The following ADGRF5 variants were observed in gnomAD, a reference collection of about 807,000 sequenced individuals.
ADGRF5 encodes the protein G-protein coupled receptor 116.
ADGRF5 carries 75 observed loss-of-function variants against 132.3 expected under a neutral mutation model. The ratio of observed to expected loss-of-function variants is 0.57; its 90% CI spans 0.47 to 0.69. The LOEUF (loss-of-function observed/expected upper bound fraction) is 0.69, where lower values mean the gene tolerates loss of function less well. ADGRF5 is among the 30% of genes least tolerant of loss of function. The pLI is 0.00. For missense variants in ADGRF5, 1,516 were observed against 1,630.6 expected, an observed-to-expected ratio of 0.93 and a Z score of 1.21; for synonymous variants, 629 against 597.6, an observed-to-expected ratio of 1.05 and a Z score of -0.77.
intron 3 of ADGRF5, among the ~76,000 whole-genome samples, chr6:46,891,777 C>T (rs919509983): frequency 3.3e-5 from 5 of 152,154 alleles, no homozygotes; most frequent in African/African-American, 1.2e-4. Flanking sequence ...TTACAAGGAG[C>T]CAAGCCAAAG....
chr6:46,896,403 G>A (rs1257658256), intron 3 of ADGRF5, among the ~76,000 whole-genome samples: 5 of 152,084 alleles, frequency 3.3e-5, no homozygotes, highest in Admixed American at 6.6e-5. Flanking sequence ...TTCCTAAAAT[G>A]CTAACTCCTA....
At chr6:46,877,318 CTTCCTTCTTTCTTTCTTTCTTTCT>C (rs1771886671) in intron 10 of ADGRF5, among the ~76,000 whole-genome samples, 1 of 21,604 alleles carries the variant, frequency 4.6e-5, no homozygotes, top group South Asian at 1.1e-3. Context: ...TCCTTCCTTC[CTTCCTTCTTTCTTTCTTTCTTTCT>C]TTCTTTCTTT....
At chr6:46,860,592 C>T (rs997695139) in intron 16 of ADGRF5, 123 bp downstream of exon 16, 2 of 642,200 alleles carry the variant, frequency 3.1e-6, no homozygotes, top group African/African-American at 3.6e-5. Flanking sequence ...GCAGAACTAT[C>T]CTGAGCACTG....
intron 10 of ADGRF5, among the ~76,000 whole-genome samples, chr6:46,877,305 CTT>C (rs1491225968): frequency 0.062 from 3,550 of 56,820 alleles, 208 homozygotes; most frequent in Non-Finnish European, 0.074. Flanking sequence ...CTCTCTCTCT[CTT>C]TCCTTCCTTC....
intron 11 of ADGRF5, among the ~76,000 whole-genome samples, chr6:46,871,132 C>T (rs1771014564): frequency 6.6e-6 from 1 of 152,058 alleles, no homozygotes; most frequent in South Asian, 2.1e-4. Flanking sequence ...TTTCTCTAAA[C>T]TTGTTCACAA....
intron 9 of ADGRF5, among the ~76,000 whole-genome samples, chr6:46,878,701 C>A (rs1772099697): frequency 6.6e-6 from 1 of 151,952 alleles, no homozygotes; most frequent in African/African-American, 2.4e-5. Context: ...AATCGAAAAG[C>A]CTTGGAGAAT....
At chr6:46,862,491 T>C (rs1476859932) in intron 15 of ADGRF5, among the ~76,000 whole-genome samples, 1 of 152,094 alleles carries the variant, frequency 6.6e-6, no homozygotes, top group Non-Finnish European at 1.5e-5. Context: ...AAGAAATTGA[T>C]GAAGCTTGTT....
intron 1 of ADGRF5, among the ~76,000 whole-genome samples, chr6:46,944,468 C>A (rs372433447): frequency 3.3e-5 from 5 of 152,250 alleles, no homozygotes; most frequent in African/African-American, 1.2e-4. Flanking sequence ...GCAGATTTTG[C>A]AGCATTGCTC....
chr6:46,895,554 A>G (rs1581895368), intron 3 of ADGRF5, among the ~76,000 whole-genome samples: 1 of 151,358 alleles, frequency 6.6e-6, no homozygotes. Context: ...GCTAGCAGCC[A>G]GAGACCCAAT....
At chr6:46,857,204 C>A (rs1369684863) in intron 17 of ADGRF5, among the ~76,000 whole-genome samples, 1 of 152,194 alleles carries the variant, frequency 6.6e-6, no homozygotes, top group Non-Finnish European at 1.5e-5. Context: ...ATATTCTTTA[C>A]ATAGCTGTGA....
intron 11 of ADGRF5, among the ~76,000 whole-genome samples, chr6:46,869,875 T>C (rs1422224532): frequency 6.6e-6 from 1 of 152,168 alleles, no homozygotes; most frequent in Non-Finnish European, 1.5e-5. Context: ...GTAATTAGTT[T>C]CACTATATAT....
At chr6:46,899,923 A>G (rs879273974) in intron 3 of ADGRF5, 106 bp downstream of exon 3, 26 of 799,260 alleles carry the variant, frequency 3.3e-5, no homozygotes, top group Non-Finnish European at 5.6e-5. Flanking sequence ...TATGACCCTG[A>G]TGTGATTGGA....
At chr6:46,872,098 A>G (rs1771136644) in intron 10 of ADGRF5, 85 bp from the exon 11 acceptor site, 3 of 918,996 alleles carry the variant, frequency 3.3e-6, no homozygotes, top group African/African-American at 1.7e-5. Flanking sequence ...TTTTTTTCAT[A>G]AAAGGAGTTA....
Position 46,906,753 on chromosome 6 carries a change from G to A in ADGRF5, c.10C>T (p.Pro4Ser). ...ATGAGGCACAAAGTGGTTCTCCTTG[G>A]GGATTTCATGTCTTCAAGTTTGAGT... is the stretch of plus-strand genomic sequence containing the variant. MKS[P>S]RRTTLCLMFI... The change falls in exon 2 of 21, where the codon CCA (proline) becomes TCA (serine). Residue 4 changes from proline to serine, a missense_variant. Transcript: ENST00000283296. 1.3e-6 allele frequency: 2 copies of A among 1,579,752 alleles called. No individual in the cohort carries two copies. The highest frequency in any genetic ancestry group is 1.7e-5 in the Admixed American group (1 of 59,890).
Position 46,858,155 on chromosome 6 carries a change from T to C in ADGRF5, c.3748A>G (p.Ile1250Val). 5 of 1,612,912 alleles carry C rather than the reference T, an allele frequency of 3.1e-6. No homozygotes were observed. Among genetic ancestry groups the C allele is most frequent in the Middle Eastern group, 3.3e-4 (2 of 6,052 alleles). ...TGGAAGACATTGAGGATGGCAAATA[T>C]GATATGGAACACAAGGTTGGTCCCT... ...FPGTNLVFHI[I>V]FAILNVFQGL... is the part of the protein sequence containing the mutation. Residue 1250 changes from isoleucine (I) to valine (V), a missense_variant, in exon 17 of 21, where the codon ATA becomes GTA. This residue lies in a region of ADGRF5 where 571 missense variants were observed against 701.2 expected (regional missense o/e 0.81). Transcript: ENST00000283296.
chr6:46,872,149 T>G, intron 10 of ADGRF5, 136 bp from the exon 11 acceptor site: 1 of 608,836 alleles, frequency 1.6e-6, no homozygotes, highest in South Asian at 2.8e-5. Context: ...GAAGTTGGGT[T>G]TATGGTGATT....
Position 46,866,842 on chromosome 6 carries a change from T to C in ADGRF5, c.1834+83A>G, listed in dbSNP as rs557147838. 4.4e-5 allele frequency: 34 copies of C among 772,212 alleles called. No individual in the cohort carries two copies. The South Asian group carries it at 5.5e-4, about 12-fold the overall frequency. 47.8% of individuals were successfully genotyped at this position (772,212 alleles called of 1,614,324 possible). On this transcript the variant is annotated intron_variant, in intron 13 of 20. Coordinates refer to ENST00000283296, the MANE Select transcript of ADGRF5 (RefSeq NM_001098518.2). ...TATCTCTGATACAATCCTATGTCTCTTGATCCCTATTTTAAGACTAAATTT... is the reference window on the plus strand; with the variant it reads ...TATCTCTGATACAATCCTATGTCTCCTGATCCCTATTTTAAGACTAAATTT...
intron 1 of ADGRF5, among the ~76,000 whole-genome samples, chr6:46,944,746 C>A (rs543884717): frequency 1.2e-4 from 19 of 152,222 alleles, no homozygotes; most frequent in Admixed American, 9.8e-4. Context: ...AGGATGAGAT[C>A]TTTCAAAATA....
At position 46,878,199 on chromosome 6, in the gene ADGRF5, C is replaced by T. The variant is rs758962210; in HGVS notation, c.1240+3G>A. 3.1e-6 allele frequency: 5 copies of T among 1,599,422 alleles called. No individual in the cohort carries two copies. The highest frequency in any genetic ancestry group is 1.3e-5 in the African/African-American group (1 of 74,720). On this transcript the variant is annotated splice_donor_region_variant and intron_variant, in intron 10 of 20. Transcript: ENST00000283296. Reference sequence around the variant, plus strand: ...TGCAAAAGGGCTTATCTAACATTCTCACCTGGAATATTTATTTTTCCTTCC... The same window carrying T: ...TGCAAAAGGGCTTATCTAACATTCTTACCTGGAATATTTATTTTTCCTTCC...
Sources: gnomAD v4.1 joint callset for allele counts (sites outside exome capture counted in the v4.1 genomes callset) on GRCh38, gnomAD v4.1.1 for gene constraint, gnomAD v4.1.1 regional missense constraint, MANE v1.5 for transcripts, NCBI Gene and HGNC (gene_info 2026-07-23, HGNC 2026-07-21) for gene names.